ADAMTS6: variants seen among roughly 807,000 people sequenced by gnomAD.
ADAMTS6 encodes ADAM metallopeptidase with thrombospondin type 1 motif 6.
In ADAMTS6, 23 loss-of-function variants were observed where a neutral mutation model predicts 144.3. The observed-to-expected ratio is 0.16, with a 90% CI of 0.11 to 0.23. The LOEUF is 0.23. Ranked by LOEUF, ADAMTS6 falls within the 10% of genes least tolerant of loss-of-function variation. ADAMTS6 has a pLI of 1.00. For missense variants in ADAMTS6, 999 were observed against 1,379.6 expected (o/e 0.72, Z 4.37); for synonymous variants, 444 against 457.5 (o/e 0.97, Z 0.38).
intron 7 of ADAMTS6, among the ~76,000 whole-genome samples, chr5:65,423,812 AT>A (rs1339860780): frequency 6.6e-6 from 1 of 152,174 alleles, no homozygotes; most frequent in African/African-American, 2.4e-5. Flanking sequence ...CCTACTATGC[AT>A]TTTGCACTTT....
At chr5:65,179,092 C>T (rs567911708) in intron 22 of ADAMTS6, among the ~76,000 whole-genome samples, 29 of 152,220 alleles carry the variant, frequency 1.9e-4, no homozygotes, top group Middle Eastern at 6.8e-3. Flanking sequence ...CACGCATGGC[C>T]GAAGCATGAG....
chr5:65,250,943 A>G (rs1253161817), intron 14 of ADAMTS6, among the ~76,000 whole-genome samples: 2 of 152,202 alleles, frequency 1.3e-5, no homozygotes, highest in African/African-American at 4.8e-5. Context: ...TATTCACAAC[A>G]CTAACCTTTA....
chr5:65,360,764 C>T (rs949442827), intron 7 of ADAMTS6, among the ~76,000 whole-genome samples: 1 of 152,112 alleles, frequency 6.6e-6, no homozygotes, highest in Admixed American at 6.6e-5. Context: ...TTTAATCCGA[C>T]ACCTAAGAAA....
intron 7 of ADAMTS6, among the ~76,000 whole-genome samples, chr5:65,387,776 G>T (rs537900642): frequency 4.6e-5 from 7 of 152,126 alleles, no homozygotes; most frequent in South Asian, 2.1e-4. Context: ...AAAAGCAAGT[G>T]GGGGGAGATT....
chr5:65,172,612 T>C (rs1753703218), intron 23 of ADAMTS6, among the ~76,000 whole-genome samples: 1 of 152,094 alleles, frequency 6.6e-6, no homozygotes, highest in Non-Finnish European at 1.5e-5. Flanking sequence ...GAATCTGAAG[T>C]GGGAAGTGTG....
At chr5:65,316,795 A>G (rs538305697) in intron 9 of ADAMTS6, among the ~76,000 whole-genome samples, 1 of 147,508 alleles carries the variant, frequency 6.8e-6, no homozygotes, top group East Asian at 2.0e-4. Context: ...TTCATCAAGA[A>G]GACATAATAA....
At chr5:65,207,542 AAAT>A (rs1756193178) in intron 20 of ADAMTS6, among the ~76,000 whole-genome samples, 1 of 152,220 alleles carries the variant, frequency 6.6e-6, no homozygotes, top group African/African-American at 2.4e-5. Context: ...GTATAATATT[AAAT>A]AAGAGGAGGG....
At chr5:65,187,979 T>A (rs1381845064) in intron 22 of ADAMTS6, 37 bp downstream of exon 22, 5 of 1,605,228 alleles carry the variant, frequency 3.1e-6, no homozygotes, top group Non-Finnish European at 4.3e-6. Flanking sequence ...AGTTAGGACA[T>A]TTCAAAACAT....
At chr5:65,417,622 C>CT (rs1184770864) in intron 7 of ADAMTS6, among the ~76,000 whole-genome samples, 2 of 152,212 alleles carry the variant, frequency 1.3e-5, no homozygotes, top group East Asian at 3.9e-4. Context: ...TGCAATCCCA[C>CT]TTACAATAGC....
intron 24 of ADAMTS6, among the ~76,000 whole-genome samples, chr5:65,170,091 A>G (rs1473311484): frequency 6.6e-6 from 1 of 152,228 alleles, no homozygotes; most frequent in Non-Finnish European, 1.5e-5. Context: ...CAGAGCACAA[A>G]GAACTTTGTC....
chr5:65,465,188 G>C (rs908361880), intron 3 of ADAMTS6, among the ~76,000 whole-genome samples: 1 of 152,066 alleles, frequency 6.6e-6, no homozygotes, highest in Non-Finnish European at 1.5e-5. Context: ...CCATTCTCCT[G>C]GATAACTATT....
In ADAMTS6 at chr5:65,448,205, C is replaced by T. The variant is rs1375148554; in HGVS notation, c.1073+3270G>A. 3.9e-5 allele frequency among the ~76,000 whole-genome samples: 6 copies of T among 151,950 alleles called. No individual in the cohort carries two copies. The South Asian group carries it at 1.0e-3, about 26-fold the overall frequency. On this transcript the variant is annotated intron_variant, in intron 7 of 24. Coordinates refer to ENST00000381055, the MANE Select transcript of ADAMTS6 (RefSeq NM_197941.4). ...TATTGATATCAGATAAAACAACATT[C>T]AAAATTCCTTTATTTTCTTCCTGTC...
chr5:65,221,259 A>G (rs768171211), intron 18 of ADAMTS6, among the ~76,000 whole-genome samples: 37 of 152,338 alleles, frequency 2.4e-4, no homozygotes, highest in Non-Finnish European at 2.5e-4. Flanking sequence ...ATATTAGCAA[A>G]TCAATTCCAG....
chr5:65,297,297 C>T (rs1742934512), intron 10 of ADAMTS6: 1 of 453,600 alleles, frequency 2.2e-6, no homozygotes, highest in African/African-American at 2.0e-5. Flanking sequence ...TGATCAATAG[C>T]ATCTAGTGTT....
intron 7 of ADAMTS6, among the ~76,000 whole-genome samples, chr5:65,373,325 T>A (rs1751167425): frequency 6.6e-6 from 1 of 151,600 alleles, no homozygotes; most frequent in African/African-American, 2.4e-5. Context: ...AGGAGCTGGT[T>A]TTTTGAAAGG....
rs200869432 is a variant in ADAMTS6 at position 65,260,617 on chromosome 5, G to A, written c.1813C>T (p.Arg605Cys). ...KYCLGERKRYRSCNTDPCPLG... is the reference protein window; with the variant it reads ...KYCLGERKRYCSCNTDPCPLG... ...TTACTTACATCTGTGTTACAGGAGC[G>A]ATACCGTTTCCTTTCCCCAAGGCAA... The change falls in exon 14 of 25, where the codon CGC becomes TGC. Residue 605 changes from arginine to cysteine, a missense_variant. This residue lies in a region of ADAMTS6 where 619 missense variants were observed against 837.0 expected (regional missense o/e 0.74). Transcript: ENST00000381055. The A allele has an allele frequency of 1.5e-5, 24 of 1,613,384 alleles. No homozygotes were observed. Among genetic ancestry groups the A allele is most frequent in the African/African-American group, 1.3e-5 (1 of 74,980 alleles).
chr5:65,433,066 A>G (rs1247236957), intron 7 of ADAMTS6, among the ~76,000 whole-genome samples: 1 of 152,122 alleles, frequency 6.6e-6, no homozygotes, highest in Non-Finnish European at 1.5e-5. Context: ...ATCATTATAC[A>G]TGCACTGCCT....
intron 22 of ADAMTS6, among the ~76,000 whole-genome samples, chr5:65,180,575 T>C (rs1455002641): frequency 6.6e-6 from 1 of 152,138 alleles, no homozygotes; most frequent in Non-Finnish European, 1.5e-5. Context: ...TCATTTCCCA[T>C]ATGAAATTTT....
At chr5:65,327,716 C>A (rs1352766947) in intron 9 of ADAMTS6, among the ~76,000 whole-genome samples, 1 of 152,072 alleles carries the variant, frequency 6.6e-6, no homozygotes, top group Non-Finnish European at 1.5e-5. Context: ...GGAAGTTGCC[C>A]AATCAGAATC....
Sources: allele counts gnomAD v4.1 joint callset (sites outside exome capture counted in the v4.1 genomes callset), GRCh38; gene constraint gnomAD v4.1.1; regional missense constraint gnomAD v4.1.1; transcripts MANE v1.5; gene names NCBI Gene and HGNC (gene_info 2026-07-23, HGNC 2026-07-21).